HSD17B3: variants seen among roughly 807,000 people sequenced by gnomAD.
HSD17B3 encodes hydroxysteroid 17-beta dehydrogenase 3.
In HSD17B3, 29 loss-of-function variants were observed where a neutral mutation model predicts 41.1. The ratio of observed to expected loss-of-function variants is 0.71; its 90% CI spans 0.53 to 0.96. The LOEUF (loss-of-function observed/expected upper bound fraction) is 0.96, where lower values mean the gene tolerates loss of function less well. HSD17B3 is among the 40% of genes least tolerant of loss of function. The pLI, the probability that HSD17B3 is intolerant of heterozygous loss-of-function variation, is 0.00. For synonymous variants in HSD17B3, 126 were observed against 145.6 expected (o/e 0.87, Z 0.97); for missense variants, 323 against 374.6 (o/e 0.86, Z 1.14).
chr9:96,268,774 C>T (rs1218542897), intron 2 of HSD17B3, among the ~76,000 whole-genome samples: 2 of 152,178 alleles, frequency 1.3e-5, no homozygotes, highest in East Asian at 3.9e-4. Context: ...CATAGCAAAA[C>T]CCTGTCTCTA....
intron 7 of HSD17B3, among the ~76,000 whole-genome samples, chr9:96,245,791 GACC>G (rs1379529393): frequency 1.3e-5 from 2 of 152,134 alleles, no homozygotes; most frequent in East Asian, 1.9e-4. Flanking sequence ...CCTTAAATGT[GACC>G]ACATGAGCTG....
intron 5 of HSD17B3, 91 bp from the exon 6 acceptor site, chr9:96,249,877 A>G: frequency 6.2e-7 from 1 of 1,610,192 alleles, no homozygotes; most frequent in Non-Finnish European, 8.5e-7. Flanking sequence ...TGAAGTGGGC[A>G]AAAGTGCATG....
chr9:96,235,389 G>T lies in HSD17B3; in HGVS notation c.*71C>A. 2 of 1,036,072 alleles carry T rather than the reference G, an allele frequency of 1.9e-6. No homozygotes were observed. Among genetic ancestry groups the T allele is most frequent in the South Asian group, 1.3e-5 (1 of 74,686 alleles). The allele number at this position is 1,036,072 out of a possible 1,614,324, so 64.2% of individuals were successfully genotyped here. A position where few individuals can be genotyped will look rare whatever the true frequency, so the allele number is the denominator to read the frequency against. Reference sequence around the variant, plus strand: ...GCGGACTAGGTTGAAGTGCTGGTCTGCTCCTCTGGTCCTCTTCAGCCAGCA... The same window carrying T: ...GCGGACTAGGTTGAAGTGCTGGTCTTCTCCTCTGGTCCTCTTCAGCCAGCA... On this transcript the variant is annotated 3_prime_UTR_variant, in exon 11 of 11. Coordinates refer to ENST00000375263, the MANE Select transcript of HSD17B3 (RefSeq NM_000197.2).
chr9:96,242,114 C>G (rs1257393293), intron 9 of HSD17B3, among the ~76,000 whole-genome samples: 1 of 151,336 alleles, frequency 6.6e-6, no homozygotes, highest in Non-Finnish European at 1.5e-5. Flanking sequence ...ATAATTGAAC[C>G]CAATTATGAA....
intron 5 of HSD17B3, among the ~76,000 whole-genome samples, chr9:96,250,866 C>T (rs1347889400): frequency 6.9e-6 from 1 of 144,008 alleles, no homozygotes; most frequent in Admixed American, 7.1e-5. Flanking sequence ...CCAGCCTGGG[C>T]GACAGAGGGA....
At chr9:96,250,049 A>G in intron 5 of HSD17B3, 1 of 1,416,318 alleles carries the variant, frequency 7.1e-7, no homozygotes, top group Non-Finnish European at 9.2e-7. Flanking sequence ...TCGGAACTAT[A>G]TTCCTGGAGG....
At chr9:96,251,550 A>G in intron 4 of HSD17B3, 65 bp from the exon 5 acceptor site, 1 of 1,412,800 alleles carries the variant, frequency 7.1e-7, no homozygotes, top group Non-Finnish European at 1.0e-6. Context: ...CCAAAGAACC[A>G]TGTACAAAAA....
intron 2 of HSD17B3, among the ~76,000 whole-genome samples, chr9:96,281,330 T>C (rs1826683039): frequency 6.6e-6 from 1 of 151,988 alleles, no homozygotes; most frequent in South Asian, 2.1e-4. Context: ...ACTACAGCAC[T>C]GATTGGATGG....
At chr9:96,282,317 T>C (rs1030465879) in intron 2 of HSD17B3, among the ~76,000 whole-genome samples, 1 of 152,230 alleles carries the variant, frequency 6.6e-6, no homozygotes, top group Admixed American at 6.5e-5. Flanking sequence ...TTAAATCAAA[T>C]ATTTTATGAG....
intron 10 of HSD17B3, chr9:96,239,180 A>T (rs375226954): frequency 6.6e-6 from 1 of 152,632 alleles, no homozygotes; most frequent in South Asian, 2.1e-4. Context: ...GTGAACAGCC[A>T]CCCAGGACAC....
At position 96,301,969 on chromosome 9, in the gene HSD17B3, A is replaced by G. The variant is rs1344180452; in HGVS notation, c.136T>C (p.Ser46Pro). Residue 46 changes from serine to proline, a missense_variant, in exon 1 of 11, where the codon TCA becomes CCA. Ser to Pro is a moderately conservative substitution (Grantham distance 74). Transcript: ENST00000375263. ...WKVLPKSFLR[S>P]MGQWAVITGA... Reference sequence around the variant, plus strand: ...CCCTTACCTGCCCACTGTCCCATTGACCGCAAGAAAGACTTTGGCAAAACT... The same window carrying G: ...CCCTTACCTGCCCACTGTCCCATTGGCCGCAAGAAAGACTTTGGCAAAACT... 6.2e-7 allele frequency: 1 copy of G among 1,614,152 alleles called. No individual in the cohort carries two copies. The highest frequency in any genetic ancestry group is 1.7e-5 in the Admixed American group (1 of 60,016).
In HSD17B3 at chr9:96,254,911, A is replaced by G. The variant is rs1346604967; in HGVS notation, c.234T>C (p.Ile78=). ...CCTCTAGTTTTTCCAGCGTCCGGCT[A>G]ATAAGGACAACATTGAGTCCACGTT... ...LAKRGLNVVL[I]SRTLEKLEAI... is the part of the protein sequence containing the mutation. Residue 78 remains isoleucine (I), a synonymous_variant, in exon 3 of 11, where the codon ATT becomes ATC. Coordinates refer to ENST00000375263, the MANE Select transcript of HSD17B3 (RefSeq NM_000197.2). 2 of 1,614,066 alleles carry G rather than the reference A, an allele frequency of 1.2e-6. No individual in the cohort carries two copies. Among genetic ancestry groups the G allele is most frequent in the Non-Finnish European group, 1.7e-6 (2 of 1,179,986 alleles).
At chr9:96,260,608 A>G (rs1293184895) in intron 2 of HSD17B3, among the ~76,000 whole-genome samples, 1 of 152,172 alleles carries the variant, frequency 6.6e-6, no homozygotes, top group Non-Finnish European at 1.5e-5. Context: ...TTAAAAAAAT[A>G]CAAAAATTAG....
intron 2 of HSD17B3, among the ~76,000 whole-genome samples, chr9:96,273,789 G>T (rs1307610860): frequency 1.3e-5 from 2 of 152,158 alleles, no homozygotes; most frequent in Admixed American, 6.5e-5. Flanking sequence ...AACCCAAGCT[G>T]ACTGCTTGGA....
chr9:96,273,612 G>A (rs1826343609), intron 2 of HSD17B3, among the ~76,000 whole-genome samples: 1 of 152,142 alleles, frequency 6.6e-6, no homozygotes, highest in Admixed American at 6.5e-5. Context: ...CTACTCTGAA[G>A]AAGAAGCCAC....
chr9:96,251,280 G>A (rs1045704858), intron 5 of HSD17B3, 138 bp downstream of exon 5: 2 of 693,566 alleles, frequency 2.9e-6, no homozygotes, highest in Non-Finnish European at 5.2e-6. Context: ...AAGAGGAAAG[G>A]GGGCCTCAAT....
intron 2 of HSD17B3, among the ~76,000 whole-genome samples, chr9:96,264,620 G>A (rs779445030): frequency 2.0e-5 from 3 of 152,112 alleles, no homozygotes; most frequent in South Asian, 2.1e-4. Flanking sequence ...TGATCAACCC[G>A]CCTCAGCCTC....
intron 2 of HSD17B3, among the ~76,000 whole-genome samples, chr9:96,256,725 T>C (rs1194807267): frequency 1.3e-5 from 2 of 151,740 alleles, no homozygotes; most frequent in African/African-American, 4.8e-5. Context: ...TTATGAATTG[T>C]GGTCTATAAT....
chr9:96,244,262 T>C, intron 9 of HSD17B3, 67 bp downstream of exon 9: 1 of 1,504,832 alleles, frequency 6.6e-7, no homozygotes, highest in Non-Finnish European at 9.3e-7. Flanking sequence ...GAGTAACCCT[T>C]CTCAAGGACT....
Sources: allele counts gnomAD v4.1 joint callset (sites outside exome capture counted in the v4.1 genomes callset), GRCh38; gene constraint gnomAD v4.1.1; transcripts MANE v1.5; gene names NCBI Gene and HGNC (gene_info 2026-07-23, HGNC 2026-07-21).